The following PLXNA4 variants were observed in gnomAD, a reference collection of about 807,000 sequenced individuals.
PLXNA4 encodes the protein plexin-A4.
In PLXNA4, 44 loss-of-function variants were observed where a neutral mutation model predicts 191.8. That is an observed-to-expected ratio of 0.23 (90% CI 0.18 to 0.29). The LOEUF is 0.29. PLXNA4 is among the 10% of genes least tolerant of loss of function. PLXNA4 has a pLI of 1.00. For missense variants in PLXNA4, 1,800 were observed against 2,488.8 expected (o/e 0.72, Z 5.89); for synonymous variants, 1,082 against 1,009.5 (o/e 1.07, Z -1.36).
At position 132,146,748 on chromosome 7, in the gene PLXNA4, T is replaced by G. The variant is rs747405539; in HGVS notation, c.4865-48A>C. ...CCGACATATGTGAGGCCACACAGCC[T>G]TAGCCCATCACTTACCATGCATCCC... On this transcript the variant is annotated intron_variant, in intron 27 of 31. Coordinates refer to ENST00000321063, the MANE Select transcript of PLXNA4 (RefSeq NM_020911.2). 37 of 1,600,244 alleles carry G rather than the reference T, an allele frequency of 2.3e-5. No homozygotes were observed. The Admixed American group carries it at 5.5e-4, about 24-fold the overall frequency.
intron 1 of PLXNA4, among the ~76,000 whole-genome samples, chr7:132,557,549 TA>T (rs113064440): frequency 4.0e-4 from 59 of 148,150 alleles, no homozygotes; most frequent in Middle Eastern, 6.9e-3. Flanking sequence ...ATCTTTTTTT[TA>T]AAAAAAAAAA....
intron 3 of PLXNA4, among the ~76,000 whole-genome samples, chr7:132,417,162 C>T (rs919792740): frequency 4.6e-5 from 7 of 152,158 alleles, no homozygotes; most frequent in East Asian, 1.9e-4. Context: ...TACCTCTTTG[C>T]GTGAGGCCAA....
intron 3 of PLXNA4, among the ~76,000 whole-genome samples, chr7:132,472,200 G>A (rs1487842376): frequency 6.6e-6 from 1 of 152,112 alleles, no homozygotes; most frequent in African/African-American, 2.4e-5. Context: ...ATTTTGCCCT[G>A]ATACTTTTTT....
At chr7:132,485,048 C>A in intron 3 of PLXNA4, 1 of 1,599,130 alleles carries the variant, frequency 6.3e-7, no homozygotes, top group Non-Finnish European at 8.5e-7. Context: ...TTAAAACAGG[C>A]TTGAGAAAAA....
chr7:132,591,224 C>T (rs1157727998), intron 2 of PLXNA4, among the ~76,000 whole-genome samples: 3 of 152,202 alleles, frequency 2.0e-5, no homozygotes, highest in Non-Finnish European at 4.4e-5. Flanking sequence ...CACAGAAACA[C>T]AGGGCCCATG....
At chr7:132,515,122 A>AG (rs11380535) in intron 1 of PLXNA4, among the ~76,000 whole-genome samples, 58,460 of 151,984 alleles carry the variant, frequency 0.38, 13,198 homozygotes, top group South Asian at 0.54. Flanking sequence ...TAGGGATACT[A>AG]GGGGAGAAAG....
chr7:132,148,792 C>A (rs900819947), intron 25 of PLXNA4, 146 bp from the exon 26 acceptor site: 2 of 1,312,914 alleles, frequency 1.5e-6, no homozygotes, highest in African/African-American at 1.5e-5. Context: ...AAATGGAGTG[C>A]CAAAGCTCTC....
intron 31 of PLXNA4, among the ~76,000 whole-genome samples, chr7:132,132,497 T>TTTCTATTCTATTCTATTCTA (rs1159802824): frequency 2.7e-5 from 3 of 111,938 alleles, no homozygotes; most frequent in South Asian, 6.0e-4. Flanking sequence ...GCTCTATTCT[T>TTTCTATTCTATTCTATTCTA]TTCTATTCTA....
At chr7:132,463,269 T>G (rs973703824) in intron 3 of PLXNA4, among the ~76,000 whole-genome samples, 1 of 152,144 alleles carries the variant, frequency 6.6e-6, no homozygotes. Context: ...TTGGAAGGTA[T>G]TATCCAGCAC....
intron 3 of PLXNA4, among the ~76,000 whole-genome samples, chr7:132,460,936 T>C (rs887840435): frequency 3.9e-5 from 6 of 151,968 alleles, no homozygotes; most frequent in Admixed American, 1.3e-4. Flanking sequence ...AGAAAGATAT[T>C]GCAGCCCCAA....
chr7:132,287,637 A>G (rs1487893683), intron 4 of PLXNA4, among the ~76,000 whole-genome samples: 8 of 152,224 alleles, frequency 5.3e-5, no homozygotes, highest in Non-Finnish European at 7.4e-5. Context: ...GAGAGATGCC[A>G]GGCCACTGTG....
At chr7:132,559,417 T>C (rs1018021366) in intron 1 of PLXNA4, among the ~76,000 whole-genome samples, 2 of 152,032 alleles carry the variant, frequency 1.3e-5, no homozygotes, top group African/African-American at 4.8e-5. Context: ...ATCGTTTCAC[T>C]TGATGTTGTA....
At position 132,508,426 on chromosome 7, in the gene PLXNA4, C is replaced by G. The variant is rs746205942; in HGVS notation, c.268G>C (p.Glu90Gln). The G allele has an allele frequency of 3.7e-6, 6 of 1,614,058 alleles. No homozygotes were observed. In the African/African-American group the frequency reaches 8.0e-5, roughly 22 times the overall value. ...GGTGGGTAACACTTGGGGTTGTCCT[C>G]GTCCGGCCCTGTCTCATGCGTCACC... The part of the protein sequence containing the change: ...VLVTHETGPD[E>Q]DNPKCYPPRI... The change falls in exon 2 of 32, where the codon GAG (glutamate) becomes CAG (glutamine). Residue 90 changes from glutamate (E) to glutamine (Q), a missense_variant. Physicochemically the swap from Glu to Gln is conservative, Grantham distance 29. This residue lies in a region of PLXNA4 where 1,397 missense variants were observed against 1,880.4 expected (regional missense o/e 0.74). Coordinates refer to ENST00000321063, the MANE Select transcript of PLXNA4 (RefSeq NM_020911.2). This position sits in a 1 kb window ranked among gnomAD's most constrained non-coding sequence, Gnocchi z 4.4.
At chr7:132,533,861 G>A (rs1799723758) in intron 1 of PLXNA4, among the ~76,000 whole-genome samples, 1 of 152,064 alleles carries the variant, frequency 6.6e-6, no homozygotes, top group African/African-American at 2.4e-5. Context: ...ACTCTGGTTT[G>A]GGACCACTTC....
chr7:132,610,380 T>TTGC (rs969467619), intron 2 of PLXNA4, among the ~76,000 whole-genome samples: 5 of 152,196 alleles, frequency 3.3e-5, no homozygotes, highest in African/African-American at 1.2e-4. Flanking sequence ...TGCTCTGCTA[T>TTGC]TGCTGCTGCT....
intron 25 of PLXNA4, among the ~76,000 whole-genome samples, chr7:132,151,928 A>G (rs758398914): frequency 2.0e-4 from 30 of 152,202 alleles, no homozygotes; most frequent in Non-Finnish European, 4.0e-4. Context: ...TCTCTACCCA[A>G]ATTCCTTACT....
chr7:132,495,733 G>C (rs1042694541), intron 2 of PLXNA4, among the ~76,000 whole-genome samples: 1 of 152,198 alleles, frequency 6.6e-6, no homozygotes, highest in South Asian at 2.1e-4. Flanking sequence ...CCGTTGCATA[G>C]GGTAAGAAGA....
intron 2 of PLXNA4, among the ~76,000 whole-genome samples, chr7:132,623,346 C>A (rs200101096): frequency 6.1e-5 from 9 of 147,856 alleles, no homozygotes; most frequent in Admixed American, 1.4e-4. Context: ...AATTCCATCT[C>A]AAAAAATAAA....
intron 1 of PLXNA4, among the ~76,000 whole-genome samples, chr7:132,522,190 A>C (rs1585268595): frequency 6.6e-6 from 1 of 152,040 alleles, no homozygotes; most frequent in African/African-American, 2.4e-5. Context: ...AGGGGACAAC[A>C]CCTGCCAGCT....
Sources: gnomAD v4.1 joint callset for allele counts (sites outside exome capture counted in the v4.1 genomes callset) on GRCh38, gnomAD v4.1.1 for gene constraint, gnomAD v4.1.1 regional missense constraint, Gnocchi (gnomAD v3.1) non-coding constraint, MANE v1.5 for transcripts, NCBI Gene and HGNC (gene_info 2026-07-23, HGNC 2026-07-21) for gene names.